Variants in KSR1 observed in about 807,000 individuals in gnomAD.
KSR1 encodes the protein kinase suppressor of ras 1.
In KSR1, 35 loss-of-function variants were observed where a neutral mutation model predicts 92.9. That is an observed-to-expected ratio of 0.38 (90% CI 0.29 to 0.50). KSR1 has a LOEUF of 0.50. Ranked by LOEUF, KSR1 falls within the 20% of genes least tolerant of loss-of-function variation. The pLI, the probability that KSR1 is intolerant of heterozygous loss-of-function variation, is 0.94. For synonymous variants in KSR1, 467 were observed against 472.6 expected, an observed-to-expected ratio of 0.99 and a Z score of 0.15; for missense variants, 972 against 1,158.5, an observed-to-expected ratio of 0.84 and a Z score of 2.34.
intron 1 of KSR1, among the ~76,000 whole-genome samples, chr17:27,542,702 T>A (rs2071010993): frequency 1.3e-5 from 2 of 152,204 alleles, no homozygotes; most frequent in Admixed American, 6.5e-5. Flanking sequence ...GCTCCTCCTT[T>A]TCGAGGTCAT....
intron 1 of KSR1, among the ~76,000 whole-genome samples, chr17:27,523,976 G>A (rs939345073): frequency 6.6e-6 from 1 of 152,202 alleles, no homozygotes; most frequent in African/African-American, 2.4e-5. Flanking sequence ...GAAGAAAGGA[G>A]AGTGGAAAGT....
chr17:27,504,102 G>A (rs62057782), intron 1 of KSR1, among the ~76,000 whole-genome samples: 15,072 of 152,268 alleles, frequency 0.099, 838 homozygotes, highest in Middle Eastern at 0.13. Flanking sequence ...GCTTGGCCCC[G>A]TGGGAAGTAT....
intron 5 of KSR1, chr17:27,588,046 G>A (rs2073032164): frequency 6.5e-6 from 1 of 153,126 alleles, no homozygotes; most frequent in East Asian, 1.9e-4. Flanking sequence ...CTCCACCTGA[G>A]GTAAACAGCT....
chr17:27,611,674 G>T, intron 18 of KSR1, 45 bp downstream of exon 18: 1 of 1,610,880 alleles, frequency 6.2e-7, no homozygotes, highest in Non-Finnish European at 8.5e-7. Context: ...CTGGAGGTGG[G>T]GTGGGGCATG....
rs150380997 is a variant in KSR1, at chr17:27,620,218, C to T, written c.2628-975C>T. Among the ~76,000 whole-genome samples the T allele has an allele frequency of 3.0e-3, 460 of 152,286 alleles. 2 individuals carry two copies. The highest frequency in any genetic ancestry group is 0.01 in the African/African-American group (430 of 41,568). On this transcript the variant is annotated intron_variant, in intron 19 of 20. Transcript: ENST00000644974. Reference sequence around the variant, plus strand: ...TCAGTATTTTGCTCTTAGGATGGGTCGGAGTCCAGTACAACTGTGGGGTAA... The same window carrying T: ...TCAGTATTTTGCTCTTAGGATGGGTTGGAGTCCAGTACAACTGTGGGGTAA...
At chr17:27,572,756 A>T (rs2072358672) in intron 2 of KSR1, among the ~76,000 whole-genome samples, 1 of 152,084 alleles carries the variant, frequency 6.6e-6, no homozygotes, top group Non-Finnish European at 1.5e-5. Flanking sequence ...CCTAAATCAG[A>T]CTTGGCTGTG....
intron 2 of KSR1, among the ~76,000 whole-genome samples, chr17:27,571,378 G>A (rs1469284501): frequency 2.0e-5 from 3 of 152,228 alleles, no homozygotes; most frequent in Admixed American, 6.5e-5. Flanking sequence ...GTGCAGGTAG[G>A]AGAAACATCT....
intron 1 of KSR1, among the ~76,000 whole-genome samples, chr17:27,508,045 C>T (rs2069459074): frequency 6.6e-6 from 1 of 152,120 alleles, no homozygotes; most frequent in South Asian, 2.1e-4. Flanking sequence ...CCCACGTGCC[C>T]CCAGTCTCCT....
intron 1 of KSR1, among the ~76,000 whole-genome samples, chr17:27,486,548 G>A (rs1292935324): frequency 6.6e-6 from 1 of 152,224 alleles, no homozygotes. Context: ...GGAAGTGGGG[G>A]CCCTGGAGCC....
chr17:27,491,552 A>G (rs1597872587), intron 1 of KSR1, among the ~76,000 whole-genome samples: 1 of 152,058 alleles, frequency 6.6e-6, no homozygotes, highest in African/African-American at 2.4e-5. Context: ...CCAAACTCCT[A>G]ATAGTACTTA....
At chr17:27,613,080 A>C (rs1397256808) in intron 18 of KSR1, 1 of 152,222 alleles carries the variant, frequency 6.6e-6, no homozygotes, top group African/African-American at 2.4e-5. Context: ...TCCAAAGATG[A>C]CACCAAAATG....
At chr17:27,605,289 G>T (rs1433834853) in intron 13 of KSR1, 145 bp from the exon 14 acceptor site, 13 of 1,020,890 alleles carry the variant, frequency 1.3e-5, no homozygotes, top group Non-Finnish European at 1.7e-5. Flanking sequence ...TGCACAGCAG[G>T]CCAGTGCAGA....
chr17:27,614,428 C>G (rs2074002570), intron 18 of KSR1, among the ~76,000 whole-genome samples: 1 of 152,182 alleles, frequency 6.6e-6, no homozygotes, highest in Admixed American at 6.5e-5. Flanking sequence ...CAGTTTGTTT[C>G]CTTTCTGCAT....
chr17:27,484,531 T>A (rs187336405), intron 1 of KSR1, among the ~76,000 whole-genome samples: 17 of 152,342 alleles, frequency 1.1e-4, no homozygotes, highest in Non-Finnish European at 1.3e-4. Flanking sequence ...CCCGTTGTTA[T>A]TTATTTAGTG....
intron 20 of KSR1, chr17:27,621,929 G>A: frequency 1.2e-6 from 2 of 1,613,768 alleles, no homozygotes; most frequent in Non-Finnish European, 1.7e-6. Context: ...CCCTCTGTAG[G>A]TTGTAGGCCT....
At position 27,577,956 on chromosome 17, in the gene KSR1, C is replaced by G. The variant is rs1313465490; in HGVS notation, c.520+317C>G. On this transcript the variant is annotated intron_variant, in intron 3 of 20. Transcript: ENST00000644974. The surrounding 1 kb of genome is among the most constrained non-coding windows in gnomAD (Gnocchi z 4.5). Reference sequence around the variant, plus strand: ...GCTCTGTGTACCCTCTGCCAGCTTCCCACATTCCAGCCCCCAGCCCTCTCC... The same window carrying G: ...GCTCTGTGTACCCTCTGCCAGCTTCGCACATTCCAGCCCCCAGCCCTCTCC... 1 of 461,314 alleles carries G rather than the reference C, an allele frequency of 2.2e-6. No individual in the cohort carries two copies. The highest frequency in any genetic ancestry group is 4.4e-5 in the East Asian group (1 of 22,798). 28.6% of individuals were successfully genotyped at this position (461,314 alleles called of 1,614,324 possible). A position where few individuals can be genotyped will look rare whatever the true frequency, so the allele number is the denominator to read the frequency against.
chr17:27,523,968 A>G (rs1435208273), intron 1 of KSR1, among the ~76,000 whole-genome samples: 1 of 152,196 alleles, frequency 6.6e-6, no homozygotes, highest in Non-Finnish European at 1.5e-5. Flanking sequence ...TCTGTTAGGA[A>G]GAAAGGAGAG....
At chr17:27,483,174 A>G (rs2068559499) in intron 1 of KSR1, among the ~76,000 whole-genome samples, 1 of 152,150 alleles carries the variant, frequency 6.6e-6, no homozygotes, top group African/African-American at 2.4e-5. Context: ...GAGGGAGAAA[A>G]TGGAAAATTC....
chr17:27,510,651 G>A (rs993235821), intron 1 of KSR1, among the ~76,000 whole-genome samples: 4 of 152,182 alleles, frequency 2.6e-5, no homozygotes, highest in African/African-American at 9.6e-5. Context: ...GAGAGGATTT[G>A]AGTGAGGCTG....
Sources: gnomAD v4.1 joint callset for allele counts (sites outside exome capture counted in the v4.1 genomes callset) on GRCh38, gnomAD v4.1.1 for gene constraint, Gnocchi (gnomAD v3.1) non-coding constraint, MANE v1.5 for transcripts, NCBI Gene and HGNC (gene_info 2026-07-23, HGNC 2026-07-21) for gene names.